Variants in MEIOB observed in about 807,000 individuals in gnomAD.
MEIOB encodes meiosis-specific with OB domain-containing protein.
In MEIOB, 50 loss-of-function variants were observed where a neutral mutation model predicts 53.1. The ratio of observed to expected loss-of-function variants is 0.94; its 90% CI spans 0.75 to 1.19. The LOEUF is 1.19. MEIOB is among the 50% of genes most tolerant of loss of function. MEIOB has a pLI of 0.00. For synonymous variants in MEIOB, 192 were observed against 182.5 expected (o/e 1.05, Z -0.42); for missense variants, 551 against 550.8 (o/e 1.00, Z 0.00).
chr16:1,855,876 T>C (rs1899286483), intron 6 of MEIOB, among the ~76,000 whole-genome samples: 1 of 151,892 alleles, frequency 6.6e-6, no homozygotes, highest in South Asian at 2.1e-4. Flanking sequence ...CCATTTAATA[T>C]AACAAGCAAT....
intron 9 of MEIOB, among the ~76,000 whole-genome samples, chr16:1,848,473 G>A (rs1004814142): frequency 2.0e-5 from 3 of 149,484 alleles, no homozygotes; most frequent in African/African-American, 7.4e-5. Context: ...CCTCCCGCAT[G>A]TCTGGCATAA....
chr16:1,860,890 A>G (rs761118990), intron 4 of MEIOB, among the ~76,000 whole-genome samples: 2 of 152,148 alleles, frequency 1.3e-5, no homozygotes, highest in African/African-American at 4.8e-5. Flanking sequence ...TTGAGACCAC[A>G]GTATTAAAGA....
chr16:1,838,645 C>A (rs1488948645), intron 12 of MEIOB, among the ~76,000 whole-genome samples: 1 of 151,974 alleles, frequency 6.6e-6, no homozygotes, highest in Non-Finnish European at 1.5e-5. Flanking sequence ...GTTGTTTTAC[C>A]CATCGTTACT....
intron 9 of MEIOB, among the ~76,000 whole-genome samples, chr16:1,846,470 T>G (rs1899028866): frequency 6.6e-6 from 1 of 152,160 alleles, no homozygotes; most frequent in Admixed American, 6.5e-5. Flanking sequence ...CTTCTTAATT[T>G]CTATAAGGCA....
rs779797074 is a variant in MEIOB, at chr16:1,868,135, G to C, written c.41C>G (p.Ser14Ter). Reference protein sequence around the residue: ...SFAARIFTTLSDLQTNMANLK... With the variant: ...SFAARIFTTL ...ATTAGCCATATTTGTCTGCAGATCT[G>C]AAAGGGTAGTGAAAATCCTCGCTGC... The change falls in exon 2 of 14, where the codon TCA (serine) becomes TGA (stop). Residue 14 changes from serine to a stop codon, truncating the protein, a stop_gained. Transcript: ENST00000325962. LOFTEE classifies it high-confidence loss of function. 1 of 1,534,468 alleles carries C rather than the reference G, an allele frequency of 6.5e-7. No individual in the cohort carries two copies. The highest frequency in any genetic ancestry group is 1.2e-5 in the South Asian group (1 of 81,358).
At chr16:1,848,780 G>C (rs1596971922) in intron 9 of MEIOB, among the ~76,000 whole-genome samples, 1 of 152,036 alleles carries the variant, frequency 6.6e-6, no homozygotes, top group African/African-American at 2.4e-5. Context: ...CTAACCTCAA[G>C]TGATCCGCCC....
In MEIOB at chr16:1,857,838, A is replaced by T. The variant is rs1181738506; in HGVS notation, c.425T>A (p.Leu142Ter). 3.2e-6 allele frequency: 5 copies of T among 1,550,858 alleles called. No homozygotes were observed. In the Admixed American group the frequency reaches 9.8e-5, roughly 30 times the overall value. Residue 142 changes from leucine to a stop codon, truncating the protein, a stop_gained, in exon 6 of 14, where the codon TTA becomes TAA. Transcript: ENST00000325962. LOFTEE classifies it high-confidence loss of function. ...VDTKLLSLIH[L>*]PVKESHDYYS... is the part of the protein sequence containing the mutation. ...ATAATCATGAGACTCTTTAACAGGTAAATGTATCAAAGAAAGTAACTTTGT... is the reference window on the plus strand; with the variant it reads ...ATAATCATGAGACTCTTTAACAGGTTAATGTATCAAAGAAAGTAACTTTGT...
intron 6 of MEIOB, among the ~76,000 whole-genome samples, chr16:1,856,395 C>T (rs1213741792): frequency 1.3e-5 from 2 of 151,862 alleles, no homozygotes; most frequent in East Asian, 1.9e-4. Context: ...TCTTGGCTCA[C>T]TGCAAGCTCT....
intron 5 of MEIOB, among the ~76,000 whole-genome samples, chr16:1,859,407 G>T (rs1431112581): frequency 1.3e-5 from 2 of 152,080 alleles, no homozygotes; most frequent in Non-Finnish European, 2.9e-5. Flanking sequence ...CTGGGTGTGG[G>T]GCGTGTGCCT....
rs540048243 is a variant in MEIOB at position 1,850,491 on chromosome 16, G to A, written c.778+2548C>T. On this transcript the variant is annotated intron_variant, in intron 9 of 13. Coordinates refer to ENST00000325962, the MANE Select transcript of MEIOB (RefSeq NM_001163560.3). ...CCCAGGAGGCTGGAACAGGAGAATC[G>A]CTTGAACCCAGGAGGCGGAGGCTGC... Among the ~76,000 whole-genome samples, 38 of 151,970 alleles carry A rather than the reference G, an allele frequency of 2.5e-4. No homozygotes were observed. In the East Asian group the frequency reaches 6.8e-3, roughly 27 times the overall value.
Position 1,857,786 on chromosome 16 carries a change from A to G in MEIOB, c.477T>C (p.Asn159=). ...DYYSLGDIVA[N]GHSLNGRIIN... ...TAATCCTCCCATTAAGACTGTGTCC[A>G]TTTGCAACAATGTCACCCAGTGAAT... Residue 159 remains asparagine (N), a synonymous_variant, in exon 6 of 14, where the codon AAT becomes AAC. Coordinates refer to ENST00000325962, the MANE Select transcript of MEIOB (RefSeq NM_001163560.3). 6.4e-7 allele frequency: 1 copy of G among 1,551,928 alleles called. No individual in the cohort carries two copies. The highest frequency in any genetic ancestry group is 8.7e-7 in the Non-Finnish European group (1 of 1,146,998).
At chr16:1,861,535 C>CTTTT (rs59561016) in intron 4 of MEIOB, among the ~76,000 whole-genome samples, 55 of 89,104 alleles carry the variant, frequency 6.2e-4, no homozygotes, top group Non-Finnish European at 9.1e-4. Flanking sequence ...GCATTGCAGT[C>CTTTT]TTTTTTTTTT....
chr16:1,852,631 C>G (rs1002559471), intron 9 of MEIOB, among the ~76,000 whole-genome samples: 1 of 151,926 alleles, frequency 6.6e-6, no homozygotes. Context: ...TTTCAGCTCA[C>G]TGCAATTTCT....
At chr16:1,864,986 C>A (rs1899547547) in intron 3 of MEIOB, among the ~76,000 whole-genome samples, 1 of 152,102 alleles carries the variant, frequency 6.6e-6, no homozygotes. Flanking sequence ...TACCAGATGA[C>A]AGCTTGGTTA....
In MEIOB at chr16:1,839,359, CAG is replaced by C. The variant is rs1403800448; in HGVS notation, c.1112_1113del (p.Ser371CysfsTer10). ...ATCAGCACATGGAAACTGAGAAAGA[CAG>C]ATTTAAAGTCCAAGGAGTTTTTGTT... ...TCNKNSLDFKSVFLSFHVLID... is the reference protein window; with the variant it reads ...TCNKNSLDFKXVFLSFHVLID... On this transcript the variant is annotated frameshift_variant, in exon 12 of 14. Coordinates refer to ENST00000325962, the MANE Select transcript of MEIOB (RefSeq NM_001163560.3). LOFTEE classifies it high-confidence loss of function. 6.2e-7 allele frequency: 1 copy of C among 1,614,172 alleles called. No individual in the cohort carries two copies. Among genetic ancestry groups the C allele is most frequent in the Non-Finnish European group, 8.5e-7 (1 of 1,180,032 alleles).
chr16:1,865,789 G>C lies in MEIOB; in HGVS notation c.116C>G (p.Pro39Arg). 1 of 1,548,034 alleles carries C rather than the reference G, an allele frequency of 6.5e-7. No homozygotes were observed. Among genetic ancestry groups the C allele is most frequent in the Admixed American group, 2.0e-5 (1 of 50,124 alleles). ...AAACAGAACTCAGCTTTTTCTGTCT[G>C]GAAAGCCTTTGACATCTGTTTTCCC... Reference protein sequence around the residue: ...VIGKTDVKGFPDRKNIGSERY... With the variant: ...VIGKTDVKGFRDRKNIGSERY... Residue 39 changes from proline to arginine, a missense_variant, in exon 3 of 14, where the codon CCA becomes CGA. By Grantham distance (103) the Pro-to-Arg change is moderately radical. Coordinates refer to ENST00000325962, the MANE Select transcript of MEIOB (RefSeq NM_001163560.3).
intron 10 of MEIOB, among the ~76,000 whole-genome samples, chr16:1,843,247 C>G (rs1045756594): frequency 2.3e-4 from 35 of 151,108 alleles, no homozygotes; most frequent in Non-Finnish European, 4.4e-5. Context: ...GAGCCGAGAT[C>G]GCGCCACTGC....
At chr16:1,863,335 C>T (rs2983907) in intron 3 of MEIOB, among the ~76,000 whole-genome samples, 101,909 of 150,596 alleles carry the variant, frequency 0.68, 34,698 homozygotes, top group Middle Eastern at 0.79. Context: ...ACGCACACCA[C>T]CATGCCAGGC....
intron 3 of MEIOB, 150 bp from the exon 4 acceptor site, chr16:1,862,266 T>C (rs897621373): frequency 5.5e-5 from 35 of 641,788 alleles, no homozygotes; most frequent in Non-Finnish European, 8.3e-5. Context: ...ATAATAAAAA[T>C]ACTCAAATAC....
Sources: gnomAD v4.1 joint callset for allele counts (sites outside exome capture counted in the v4.1 genomes callset) on GRCh38, gnomAD v4.1.1 for gene constraint, MANE v1.5 for transcripts, NCBI Gene and HGNC (gene_info 2026-07-23, HGNC 2026-07-21) for gene names.